Variants in CPQ observed in about 807,000 individuals in gnomAD.
CPQ encodes Ser-Met dipeptidase.
CPQ carries 37 observed loss-of-function variants against 45.7 expected under a neutral mutation model. The ratio of observed to expected loss-of-function variants is 0.81; its 90% CI spans 0.62 to 1.07. The LOEUF is 1.07. CPQ is among the 50% of genes least tolerant of loss of function. CPQ has a pLI of 0.00. For synonymous variants in CPQ, 186 were observed against 205.8 expected, an observed-to-expected ratio of 0.90 and a Z score of 0.82; for missense variants, 537 against 572.9, an observed-to-expected ratio of 0.94 and a Z score of 0.64.
rs1257714324 is a variant in CPQ, at chr8:97,029,465, G to T, written c.1024G>T (p.Gly342Cys). 2 of 1,608,848 alleles carry T rather than the reference G, an allele frequency of 1.2e-6. No individual in the cohort carries two copies. The highest frequency in any genetic ancestry group is 2.2e-5 in the East Asian group (1 of 44,810). Reference sequence around the variant, plus strand: ...GACTGCAGAAGAACAAGGTGGAGTTGGTGCCTTCCAGTATTATCAGTTACA... The same window carrying T: ...GACTGCAGAAGAACAAGGTGGAGTTTGTGCCTTCCAGTATTATCAGTTACA... ...LWTAEEQGGV[G>C]AFQYYQLHKV... The change falls in exon 6 of 8, where the codon GGT becomes TGT. Residue 342 changes from glycine (G) to cysteine (C), a missense_variant. Gly to Cys is a radical substitution (Grantham distance 159). Transcript: ENST00000220763.
At chr8:96,929,739 C>G (rs907625973) in intron 4 of CPQ, among the ~76,000 whole-genome samples, 1 of 152,094 alleles carries the variant, frequency 6.6e-6, no homozygotes, top group Non-Finnish European at 1.5e-5. Context: ...CGTAAGCACC[C>G]AAATGAATTC....
intron 7 of CPQ, among the ~76,000 whole-genome samples, chr8:97,125,525 A>G (rs1486202316): frequency 6.6e-6 from 1 of 152,212 alleles, no homozygotes; most frequent in Non-Finnish European, 1.5e-5. Flanking sequence ...TAAACTGGAT[A>G]ATATACTATG....
intron 3 of CPQ, among the ~76,000 whole-genome samples, chr8:96,858,529 C>T (rs972344119): frequency 2.6e-5 from 4 of 152,148 alleles, no homozygotes; most frequent in Non-Finnish European, 4.4e-5. Context: ...ATGGGCATAA[C>T]CAGAATCACC....
intron 1 of CPQ, among the ~76,000 whole-genome samples, chr8:96,669,699 A>G (rs1472416157): frequency 6.6e-6 from 1 of 152,224 alleles, no homozygotes; most frequent in Non-Finnish European, 1.5e-5. Context: ...TTTAAAACAG[A>G]TTGCCAGAAT....
chr8:97,056,495 C>G (rs1405667386), intron 6 of CPQ: 1 of 152,160 alleles, frequency 6.6e-6, no homozygotes, highest in Non-Finnish European at 1.5e-5. Flanking sequence ...GAAGCCAAGG[C>G]AAGAATGCAT....
intron 1 of CPQ, among the ~76,000 whole-genome samples, chr8:96,669,159 C>T (rs1808969086): frequency 6.6e-6 from 1 of 152,238 alleles, no homozygotes; most frequent in African/African-American, 2.4e-5. Context: ...CTGCTGCCCC[C>T]ACCACATCCC....
chr8:96,783,432 G>A (rs929266482), intron 1 of CPQ, among the ~76,000 whole-genome samples: 9 of 152,166 alleles, frequency 5.9e-5, no homozygotes, highest in Non-Finnish European at 8.8e-5. Context: ...AGAAGGCATC[G>A]CACAGAAGAA....
chr8:96,780,948 G>C (rs1013228839), intron 1 of CPQ, among the ~76,000 whole-genome samples: 15 of 151,974 alleles, frequency 9.9e-5, no homozygotes, highest in Non-Finnish European at 1.8e-4. Flanking sequence ...TGCTCTAGAG[G>C]GGGAGGAGGT....
At chr8:96,741,021 A>G (rs1441396161) in intron 1 of CPQ, among the ~76,000 whole-genome samples, 1 of 152,076 alleles carries the variant, frequency 6.6e-6, no homozygotes, top group East Asian at 1.9e-4. Flanking sequence ...CTCTTTTTCT[A>G]TTGATTGGAA....
At chr8:96,997,820 A>G (rs1809202138) in intron 5 of CPQ, among the ~76,000 whole-genome samples, 1 of 152,044 alleles carries the variant, frequency 6.6e-6, no homozygotes, top group Non-Finnish European at 1.5e-5. Context: ...TATTGAGAAC[A>G]ATATTAAGTC....
At chr8:96,951,173 T>A (rs545274111) in intron 4 of CPQ, among the ~76,000 whole-genome samples, 83 of 152,234 alleles carry the variant, frequency 5.5e-4, no homozygotes, top group Non-Finnish European at 9.7e-4. Flanking sequence ...ACCCTGATAT[T>A]TGCCTTTTCT....
chr8:97,031,388 G>A (rs751233248), intron 6 of CPQ, among the ~76,000 whole-genome samples: 11 of 151,992 alleles, frequency 7.2e-5, no homozygotes, highest in East Asian at 3.9e-4. Flanking sequence ...GGGTTTCACC[G>A]TGTTAGCCAG....
intron 4 of CPQ, among the ~76,000 whole-genome samples, chr8:96,928,163 A>G (rs1196343551): frequency 6.6e-6 from 1 of 152,118 alleles, no homozygotes; most frequent in Admixed American, 6.6e-5. Context: ...AGCATTTTCT[A>G]TCGTAAGACA....
chr8:97,053,635 G>A (rs1206452265), intron 6 of CPQ, among the ~76,000 whole-genome samples: 1 of 152,194 alleles, frequency 6.6e-6, no homozygotes, highest in Admixed American at 6.5e-5. Flanking sequence ...ATATAAAGAA[G>A]CCCAGGCAGA....
chr8:96,903,833 GA>G (rs1027618588), intron 4 of CPQ, among the ~76,000 whole-genome samples: 2 of 152,090 alleles, frequency 1.3e-5, no homozygotes, highest in Admixed American at 1.3e-4. Flanking sequence ...GCCATATGGA[GA>G]AAAAAATATG....
At chr8:96,779,018 T>C (rs1810651029) in intron 1 of CPQ, among the ~76,000 whole-genome samples, 1 of 150,664 alleles carries the variant, frequency 6.6e-6, no homozygotes, top group African/African-American at 2.5e-5. Flanking sequence ...TGAGCTGAGA[T>C]TGTGCCATTG....
chr8:97,119,672 A>G (rs1326679232), intron 7 of CPQ, among the ~76,000 whole-genome samples: 1 of 152,074 alleles, frequency 6.6e-6, no homozygotes, highest in Non-Finnish European at 1.5e-5. Context: ...TCAGTGGGGG[A>G]TTACTTAGAA....
intron 4 of CPQ, among the ~76,000 whole-genome samples, chr8:96,890,238 A>G (rs920303306): frequency 6.6e-6 from 1 of 152,274 alleles, no homozygotes; most frequent in Non-Finnish European, 1.5e-5. Flanking sequence ...ATATTTTCTT[A>G]GTGCAAGTGT....
intron 4 of CPQ, among the ~76,000 whole-genome samples, chr8:96,940,364 A>G (rs1398335045): frequency 6.6e-6 from 1 of 152,138 alleles, no homozygotes; most frequent in Non-Finnish European, 1.5e-5. Context: ...TTCTCCAAAT[A>G]TTTCTTTTTA....
Sources: gnomAD v4.1 joint callset for allele counts (sites outside exome capture counted in the v4.1 genomes callset) on GRCh38, gnomAD v4.1.1 for gene constraint, MANE v1.5 for transcripts, NCBI Gene and HGNC (gene_info 2026-07-23, HGNC 2026-07-21) for gene names.